Variants in JAK1 observed in about 807,000 individuals in gnomAD.
JAK1 encodes the protein tyrosine-protein kinase JAK1.
Under a neutral mutation model 136.6 loss-of-function variants are expected in JAK1, and 16 were observed. That is an observed-to-expected ratio of 0.12 (90% confidence interval 0.08 to 0.18). JAK1 has a LOEUF of 0.18. Among genes scored for constraint, JAK1 ranks in the 10% least tolerant of loss-of-function variants. JAK1 has a pLI of 1.00. For missense variants in JAK1, 859 were observed against 1,450.1 expected (o/e 0.59, Z 6.62); for synonymous variants, 492 against 519.5 (o/e 0.95, Z 0.72).
intron 2 of JAK1, among the ~76,000 whole-genome samples, chr1:64,998,264 T>C (rs546748292): frequency 1.3e-5 from 2 of 152,226 alleles, no homozygotes; most frequent in Non-Finnish European, 2.9e-5. Context: ...GAGGAAATAG[T>C]AAAAGAGACA....
At chr1:64,954,296 G>T (rs1228491809) in intron 1 of JAK1, among the ~76,000 whole-genome samples, 1 of 152,130 alleles carries the variant, frequency 6.6e-6, no homozygotes, top group Non-Finnish European at 1.5e-5. Context: ...CAAGTCTCTG[G>T]CTATTACAAA....
At chr1:64,883,698 TATTA>T (rs989010317) in intron 2 of JAK1, among the ~76,000 whole-genome samples, 16 of 152,266 alleles carry the variant, frequency 1.1e-4, no homozygotes, top group African/African-American at 2.9e-4. Context: ...AATTGTAATT[TATTA>T]ATTATGTATT....
intron 2 of JAK1, chr1:64,989,306 CAAAG>C: frequency 6.8e-6 from 1 of 148,026 alleles, no homozygotes. Flanking sequence ...GCCTGGGCGA[CAAAG>C]AGAGACTCCA....
chr1:65,004,439 C>T (rs916292261), intron 2 of JAK1, among the ~76,000 whole-genome samples: 2 of 152,206 alleles, frequency 1.3e-5, no homozygotes, highest in Non-Finnish European at 2.9e-5. Context: ...CAGGGTTGAT[C>T]TAAGATTGTC....
intron 2 of JAK1, among the ~76,000 whole-genome samples, chr1:65,032,388 T>A (rs189131941): frequency 3.6e-4 from 55 of 152,346 alleles, no homozygotes; most frequent in African/African-American, 1.2e-3. Flanking sequence ...TAAGTGCTCA[T>A]CAGATACTGT....
chr1:64,966,508 C>A lies in JAK1; in HGVS notation c.-253G>T, dbSNP rs950499947. Reference sequence around the variant, plus strand: ...GCGCAGGCCCGCACTGTCTGCAGCTCCAGGATACTCCGCGGCCGCCGCGGC... The same window carrying A: ...GCGCAGGCCCGCACTGTCTGCAGCTACAGGATACTCCGCGGCCGCCGCGGC... On this transcript the variant is annotated 5_prime_UTR_variant, in exon 1 of 25. Coordinates refer to ENST00000342505, the MANE Select transcript of JAK1 (RefSeq NM_002227.4). 6.6e-6 allele frequency: 1 copy of A among 150,488 alleles called. No homozygotes were observed. 9.3% of individuals were successfully genotyped at this position (150,488 alleles called of 1,614,324 possible). A position where few individuals can be genotyped will look rare whatever the true frequency, so the allele number is the denominator to read the frequency against.
At chr1:65,031,521 G>A (rs1647023633) in intron 2 of JAK1, among the ~76,000 whole-genome samples, 1 of 152,186 alleles carries the variant, frequency 6.6e-6, no homozygotes, top group Non-Finnish European at 1.5e-5. Flanking sequence ...GCACTGCATG[G>A]TCTAAGACTG....
intron 9 of JAK1, among the ~76,000 whole-genome samples, 190 bp from the exon 10 acceptor site, chr1:64,857,969 C>T (rs1048845488): frequency 3.3e-5 from 5 of 152,278 alleles, no homozygotes; most frequent in East Asian, 3.9e-4. Flanking sequence ...GCCTCAGGAC[C>T]GATGGAGTCT....
At chr1:64,890,433 C>T (rs1644917902) in intron 1 of JAK1, among the ~76,000 whole-genome samples, 1 of 152,124 alleles carries the variant, frequency 6.6e-6, no homozygotes, top group African/African-American at 2.4e-5. Flanking sequence ...CAAGTGTGAC[C>T]ATGAGCAAGT....
rs1645715244 is a variant in JAK1 at position 64,932,487 on chromosome 1, A to AT, written c.-78+33845dup. On this transcript the variant is annotated intron_variant, in intron 1 of 24. Transcript: ENST00000342505. ...TAATTAACCAAAGGTAATCTAGCTA[A>AT]TAAGTGTCGAGGTTGGGTTCAAACC... is the stretch of plus-strand genomic sequence containing the variant. Among the ~76,000 whole-genome samples the AT allele has an allele frequency of 2.6e-5, 4 of 152,226 alleles. No homozygotes were observed. The South Asian group carries it at 8.3e-4, about 32-fold the overall frequency.
In JAK1 at chr1:65,044,341, T is replaced by C. The variant is rs2100842603; in HGVS notation, c.-78+139A>G. ...AGTGCAGAGTGAGCTTTAGGTCAGA[T>C]GTTTTTCAGTGAGCCCATCACAGGA... On this transcript the variant is annotated intron_variant, in intron 2 of 25. Coordinates refer to the JAK1 transcript ENST00000671954. Among the ~76,000 whole-genome samples the C allele has an allele frequency of 1.3e-5, 2 of 152,328 alleles. 1 individual carries two copies. The highest frequency in any genetic ancestry group is 3.9e-4 in the East Asian group (2 of 5,186).
intron 2 of JAK1, among the ~76,000 whole-genome samples, chr1:64,885,550 G>C (rs1245817141): frequency 5.3e-5 from 8 of 152,144 alleles, no homozygotes; most frequent in Admixed American, 5.2e-4. Flanking sequence ...TCACGAGATT[G>C]AGACCAGCCT....
intron 1 of JAK1, among the ~76,000 whole-genome samples, chr1:64,916,470 C>T (rs1188978601): frequency 6.6e-6 from 1 of 152,110 alleles, no homozygotes; most frequent in Non-Finnish European, 1.5e-5. Flanking sequence ...GCCAAAGGAA[C>T]ACTTAGCATT....
chr1:64,886,751 TACACAC>T lies in JAK1; in HGVS notation c.-77-416_-77-411del, dbSNP rs3838404. On this transcript the variant is annotated intron_variant, in intron 1 of 24. Transcript: ENST00000342505. ...AGAATTACCCCGCCCCAACCTTGTC[TACACAC>T]ACACACACACACACACACACACACA... Among the ~76,000 whole-genome samples the T allele has an allele frequency of 7.0e-3, 974 of 138,876 alleles. 1 individual carries two copies. The highest frequency in any genetic ancestry group is 0.013 in the South Asian group (55 of 4,314). 91.1% of individuals were successfully genotyped at this position (138,876 alleles called of 152,430 possible). A position where few individuals can be genotyped will look rare whatever the true frequency, so the allele number is the denominator to read the frequency against.
chr1:65,064,885 T>C (rs920344616), intron 1 of JAK1, among the ~76,000 whole-genome samples: 2 of 152,200 alleles, frequency 1.3e-5, no homozygotes, highest in African/African-American at 4.8e-5. Flanking sequence ...TACAAAAACT[T>C]ATGAATAATT....
At chr1:64,994,038 T>C (rs943590070) in intron 2 of JAK1, among the ~76,000 whole-genome samples, 1 of 152,132 alleles carries the variant, frequency 6.6e-6, no homozygotes, top group Non-Finnish European at 1.5e-5. Flanking sequence ...CCTCCTAGGC[T>C]CAGGTGATCC....
At position 64,833,297 on chromosome 1, in the gene JAK1, C is replaced by T; in HGVS notation, c.*1265G>A. 1 of 232,318 alleles carries T rather than the reference C, an allele frequency of 4.3e-6. No individual in the cohort carries two copies. The highest frequency in any genetic ancestry group is 1.8e-4 in the South Asian group (1 of 5,504). 14.4% of individuals were successfully genotyped at this position (232,318 alleles called of 1,614,324 possible). ...GCATATAGAGTGGCCACAGGTTTGA[C>T]ACAGAGACCTTGGTGATGTAGGCTA... On this transcript the variant is annotated 3_prime_UTR_variant, in exon 25 of 25. Coordinates refer to ENST00000342505, the MANE Select transcript of JAK1 (RefSeq NM_002227.4).
intron 1 of JAK1, among the ~76,000 whole-genome samples, chr1:65,050,507 G>C (rs753902829): frequency 6.6e-6 from 1 of 152,228 alleles, no homozygotes; most frequent in Non-Finnish European, 1.5e-5. Flanking sequence ...GGCCAGGCCA[G>C]TCAACTGGGT....
chr1:64,940,091 G>C (rs985048625), intron 1 of JAK1, among the ~76,000 whole-genome samples: 4 of 152,080 alleles, frequency 2.6e-5, no homozygotes, highest in African/African-American at 7.2e-5. Context: ...AATCCTATGA[G>C]AGCAGGCACT....
Sources: gnomAD v4.1 joint callset for allele counts (sites outside exome capture counted in the v4.1 genomes callset) on GRCh38, gnomAD v4.1.1 for gene constraint, MANE v1.5 for transcripts, NCBI Gene and HGNC (gene_info 2026-07-23, HGNC 2026-07-21) for gene names.